Variants in SRBD1 observed in about 807,000 individuals in gnomAD.
The protein encoded by SRBD1 is S1 RNA-binding domain-containing protein 1.
SRBD1 carries 88 observed loss-of-function variants against 115.3 expected under a neutral mutation model. The ratio of observed to expected loss-of-function variants is 0.76; its 90% CI spans 0.64 to 0.91. The LOEUF (loss-of-function observed/expected upper bound fraction) is 0.91, where lower values mean the gene tolerates loss of function less well. Among genes scored for constraint, SRBD1 ranks in the 40% least tolerant of loss-of-function variants. The pLI, the probability that SRBD1 is intolerant of heterozygous loss-of-function variation, is 0.00. For missense variants in SRBD1, 1,385 were observed against 1,177.4 expected (o/e 1.18, Z -2.58); for synonymous variants, 509 against 407.7 (o/e 1.25, Z -2.99).
chr2:45,396,525 C>G (rs1286116018), intron 19 of SRBD1, among the ~76,000 whole-genome samples: 1 of 152,004 alleles, frequency 6.6e-6, no homozygotes, highest in Non-Finnish European at 1.5e-5. Flanking sequence ...AAGAAAGTAC[C>G]ATAAATGCAA....
intron 4 of SRBD1, among the ~76,000 whole-genome samples, chr2:45,587,214 T>C (rs1673576572): frequency 6.9e-6 from 1 of 144,066 alleles, no homozygotes; most frequent in African/African-American, 2.5e-5. Context: ...TATTTTAAAA[T>C]ATTATAAATA....
intron 14 of SRBD1, among the ~76,000 whole-genome samples, chr2:45,517,391 G>A (rs1671152619): frequency 6.6e-6 from 1 of 152,032 alleles, no homozygotes. Flanking sequence ...AACATGTTGT[G>A]GTAACAAAGA....
chr2:45,581,943 G>C, intron 5 of SRBD1, 133 bp from the exon 6 acceptor site: 1 of 679,526 alleles, frequency 1.5e-6, no homozygotes, highest in Non-Finnish European at 2.6e-6. Flanking sequence ...TTGAGAATAA[G>C]TTAACATCCC....
intron 10 of SRBD1, among the ~76,000 whole-genome samples, chr2:45,559,628 G>A (rs1672596982): frequency 2.6e-5 from 4 of 151,936 alleles, no homozygotes; most frequent in Non-Finnish European, 5.9e-5. Flanking sequence ...TGAAGAAATA[G>A]GGAAAAAGAG....
At chr2:45,611,073 G>A (rs981489703) in intron 1 of SRBD1, 146 bp downstream of exon 1, 2 of 152,244 alleles carry the variant, frequency 1.3e-5, no homozygotes, top group African/African-American at 4.8e-5. Flanking sequence ...ACAGTAAAAT[G>A]TAATGAACTT....
At chr2:45,534,561 A>G (rs912459023) in intron 14 of SRBD1, among the ~76,000 whole-genome samples, 1 of 151,986 alleles carries the variant, frequency 6.6e-6, no homozygotes, top group African/African-American at 2.4e-5. Flanking sequence ...TAATATCCAG[A>G]AAACAATTTA....
At chr2:45,461,067 C>T (rs562696914) in intron 16 of SRBD1, among the ~76,000 whole-genome samples, 8 of 152,186 alleles carry the variant, frequency 5.3e-5, no homozygotes, top group Admixed American at 2.0e-4. Context: ...CCTCTATAGC[C>T]TGTCTTTAAA....
At chr2:45,523,396 T>G (rs534667513) in intron 14 of SRBD1, among the ~76,000 whole-genome samples, 6 of 151,732 alleles carry the variant, frequency 4.0e-5, no homozygotes, top group African/African-American at 1.4e-4. Context: ...AACTCCAAAG[T>G]TGAACTCAAA....
chr2:45,514,288 C>T (rs185339941), intron 14 of SRBD1, among the ~76,000 whole-genome samples: 7 of 152,122 alleles, frequency 4.6e-5, no homozygotes, highest in East Asian at 3.9e-4. Context: ...TCACATTCAA[C>T]GAAGTGGTGA....
intron 8 of SRBD1, among the ~76,000 whole-genome samples, chr2:45,574,396 A>T (rs1382981541): frequency 6.6e-6 from 1 of 152,164 alleles, no homozygotes; most frequent in African/African-American, 2.4e-5. Flanking sequence ...GCCTCAGTGT[A>T]AGGAGGGTGA....
At chr2:45,488,529 G>A (rs1374531078) in intron 14 of SRBD1, among the ~76,000 whole-genome samples, 198 bp from the exon 15 acceptor site, 2 of 151,780 alleles carry the variant, frequency 1.3e-5, no homozygotes, top group Non-Finnish European at 2.9e-5. Context: ...TTTCACATAT[G>A]AAATACACAG....
At chr2:45,457,472 C>A (rs1449380375) in intron 16 of SRBD1, among the ~76,000 whole-genome samples, 1 of 151,884 alleles carries the variant, frequency 6.6e-6, no homozygotes, top group Admixed American at 6.6e-5. Flanking sequence ...AAATATTCAC[C>A]TTTTATATGC....
At chr2:45,594,406 A>G (rs1673827907) in intron 4 of SRBD1, among the ~76,000 whole-genome samples, 1 of 152,230 alleles carries the variant, frequency 6.6e-6, no homozygotes, top group Non-Finnish European at 1.5e-5. Flanking sequence ...AAACTGGACA[A>G]CAACCACCTT....
At chr2:45,544,817 A>T (rs1672056909) in intron 14 of SRBD1, among the ~76,000 whole-genome samples, 1 of 152,214 alleles carries the variant, frequency 6.6e-6, no homozygotes, top group African/African-American at 2.4e-5. Flanking sequence ...CTCATAAAAA[A>T]ACATATTGTT....
chr2:45,598,969 T>C (rs1445228282), intron 4 of SRBD1, among the ~76,000 whole-genome samples: 1 of 152,200 alleles, frequency 6.6e-6, no homozygotes, highest in African/African-American at 2.4e-5. Flanking sequence ...TAGTAAGACA[T>C]ATAATTCTGG....
At chr2:45,462,273 A>C (rs1246594304) in intron 16 of SRBD1, among the ~76,000 whole-genome samples, 1 of 152,138 alleles carries the variant, frequency 6.6e-6, no homozygotes, top group Non-Finnish European at 1.5e-5. Context: ...GATTTGTTTT[A>C]ATAAAAGTAA....
chr2:45,420,533 T>C (rs1177610099), intron 16 of SRBD1, among the ~76,000 whole-genome samples: 1 of 152,230 alleles, frequency 6.6e-6, no homozygotes, highest in Non-Finnish European at 1.5e-5. Context: ...ATTTATTTGT[T>C]AAATATTGAA....
chr2:45,482,513 T>C (rs892481524), intron 15 of SRBD1, among the ~76,000 whole-genome samples: 1 of 151,810 alleles, frequency 6.6e-6, no homozygotes, highest in Non-Finnish European at 1.5e-5. Context: ...AGTTATAAGT[T>C]AATAAATTAC....
intron 14 of SRBD1, chr2:45,546,069 A>C (rs988122738): frequency 4.1e-6 from 3 of 727,046 alleles, no homozygotes; most frequent in Non-Finnish European, 5.0e-6. Context: ...TAAATCCTTT[A>C]GGACTTAATA....
Sources: allele counts gnomAD v4.1 joint callset (sites outside exome capture counted in the v4.1 genomes callset), GRCh38; gene constraint gnomAD v4.1.1; transcripts MANE v1.5; gene names NCBI Gene and HGNC (gene_info 2026-07-23, HGNC 2026-07-21).